Variants in DDX19A observed in about 807,000 individuals in gnomAD.
DDX19A encodes the protein DEAD-box helicase 19A.
A neutral mutation model predicts 60.6 loss-of-function variants in DDX19A; 12 were observed. The observed-to-expected ratio is 0.20, with a 90% CI of 0.13 to 0.32. The LOEUF is 0.32. DDX19A is among the 10% of genes least tolerant of loss of function. The probability of loss-of-function intolerance (pLI) is 1.00; values close to 1 mark genes in which losing one functional copy is unlikely to be tolerated. For missense variants in DDX19A, 337 were observed against 600.6 expected, an observed-to-expected ratio of 0.56 and a Z score of 4.59; for synonymous variants, 206 against 218.2, an observed-to-expected ratio of 0.94 and a Z score of 0.49.
intron 5 of DDX19A, 193 bp downstream of exon 5, chr16:70,361,703 T>A (rs1964368375): frequency 9.2e-6 from 5 of 540,776 alleles, no homozygotes; most frequent in Non-Finnish European, 1.6e-5. Flanking sequence ...CAATAGAAAC[T>A]TATAGAGAAA....
At chr16:70,352,714 G>A (rs541937669) in intron 2 of DDX19A, among the ~76,000 whole-genome samples, 4 of 136,898 alleles carry the variant, frequency 2.9e-5, no homozygotes, top group Non-Finnish European at 4.6e-5. Context: ...TCGGCTCACC[G>A]CAACCTCCAC....
intron 3 of DDX19A, 67 bp from the exon 4 acceptor site, chr16:70,356,045 A>C (rs1187065803): frequency 6.2e-7 from 1 of 1,602,496 alleles, no homozygotes; most frequent in East Asian, 2.2e-5. Context: ...GAGAGGGAGA[A>C]AGAGTGGCTT....
chr16:70,366,189 G>T lies in DDX19A; in HGVS notation c.709G>T (p.Val237Leu), dbSNP rs138660103. Residue 237 changes from valine (V) to leucine (L), a missense_variant, in exon 8 of 12, where the codon GTG becomes TTG. By Grantham distance (32) the Val-to-Leu change is conservative. Around this residue, in one of 6 missense-constraint regions of DDX19A, gnomAD observed 117 missense variants for 274.3 expected, o/e 0.43. Transcript: ENST00000302243. Reference protein sequence around the residue: ...LKFIDPKKIKVFVLDEADVMI... With the variant: ...LKFIDPKKIKLFVLDEADVMI... ...GTTCATTGATCCCAAGAAAATCAAG[G>T]TGTTTGTTCTGGATGAGGCTGATGT... 3 of 1,613,994 alleles carry T rather than the reference G, an allele frequency of 1.9e-6. No homozygotes were observed. The African/African-American group carries it at 4.0e-5, about 22-fold the overall frequency.
At chr16:70,352,219 C>A (rs1452222243) in intron 2 of DDX19A, among the ~76,000 whole-genome samples, 1 of 151,636 alleles carries the variant, frequency 6.6e-6, no homozygotes, top group East Asian at 1.9e-4. Context: ...AGTATACTTA[C>A]TTTTTCACTC....
Position 70,372,076 on chromosome 16 carries a change from A to G in DDX19A, c.*90A>G. On this transcript the variant is annotated 3_prime_UTR_variant, in exon 12 of 12. Coordinates refer to ENST00000302243, the MANE Select transcript of DDX19A (RefSeq NM_018332.5). ...GGGCACAGGCCCCGACATCACCCCA[A>G]GGACAACGGCAGAAGTAGAGAGAAA... is the stretch of plus-strand genomic sequence containing the variant. 1.3e-6 allele frequency: 2 copies of G among 1,594,178 alleles called. No individual in the cohort carries two copies. The highest frequency in any genetic ancestry group is 1.7e-6 in the Non-Finnish European group (2 of 1,162,930).
intron 9 of DDX19A, among the ~76,000 whole-genome samples, chr16:70,368,102 A>C (rs910822384): frequency 6.6e-6 from 1 of 152,184 alleles, no homozygotes; most frequent in African/African-American, 2.4e-5. Flanking sequence ...CCTTGAGCCC[A>C]GGAGTTAGAG....
chr16:70,347,991 G>C (rs967039800), intron 1 of DDX19A: 1 of 450,612 alleles, frequency 2.2e-6, no homozygotes, highest in Non-Finnish European at 4.5e-6. Context: ...CGCCCAGCCG[G>C]TATGGGGATT....
At chr16:70,357,683 C>T (rs543018769) in intron 4 of DDX19A, among the ~76,000 whole-genome samples, 2 of 152,062 alleles carry the variant, frequency 1.3e-5, no homozygotes, top group South Asian at 4.2e-4. Context: ...TGTGCCCGGC[C>T]TTACGTTTTA....
intron 5 of DDX19A, chr16:70,364,147 G>A: frequency 6.2e-6 from 1 of 161,986 alleles, no homozygotes; most frequent in Non-Finnish European, 1.3e-5. Flanking sequence ...CATAAAACTG[G>A]GGAAAGGCAC....
chr16:70,347,950 A>G (rs1378440341), intron 1 of DDX19A: 4 of 442,476 alleles, frequency 9.0e-6, no homozygotes, highest in Non-Finnish European at 1.8e-5. Flanking sequence ...TCGGCCTCCC[A>G]AAGTGCTGGG....
chr16:70,365,236 C>A, intron 7 of DDX19A, 105 bp downstream of exon 7: 1 of 719,522 alleles, frequency 1.4e-6, no homozygotes. Context: ...CAGTCTGACC[C>A]TGGAGCCTAA....
intron 2 of DDX19A, among the ~76,000 whole-genome samples, chr16:70,353,884 GAGTGA>G (rs1964103616): frequency 6.8e-6 from 1 of 146,292 alleles, no homozygotes; most frequent in South Asian, 2.1e-4. Context: ...CTGGGCAACA[GAGTGA>G]GACTCTGTCT....
intron 3 of DDX19A, 88 bp from the exon 4 acceptor site, chr16:70,356,024 G>T: frequency 6.4e-7 from 1 of 1,557,306 alleles, no homozygotes. Flanking sequence ...GACTGCCCAG[G>T]TGCTAGTGTG....
intron 4 of DDX19A, among the ~76,000 whole-genome samples, chr16:70,357,190 C>T (rs1166351228): frequency 5.4e-5 from 8 of 147,706 alleles, no homozygotes; most frequent in Admixed American, 2.0e-4. Flanking sequence ...ACCTGTGAGG[C>T]GGAGGTTGCA....
At chr16:70,349,149 G>A (rs1304561494) in intron 1 of DDX19A, among the ~76,000 whole-genome samples, 1 of 152,138 alleles carries the variant, frequency 6.6e-6, no homozygotes, top group Non-Finnish European at 1.5e-5. Context: ...ATTAGTGGAG[G>A]AAAAAGGCTC....
chr16:70,351,395 C>T (rs904835136), intron 2 of DDX19A, among the ~76,000 whole-genome samples: 3 of 151,320 alleles, frequency 2.0e-5, no homozygotes, highest in Admixed American at 1.3e-4. Flanking sequence ...TTAGTAGAGG[C>T]GGGGCTTTGT....
intron 3 of DDX19A, 61 bp from the exon 4 acceptor site, chr16:70,356,051 G>A (rs1964175242): frequency 7.5e-6 from 12 of 1,604,706 alleles, no homozygotes; most frequent in Middle Eastern, 4.5e-4. Context: ...GAGAAAGAGT[G>A]GCTTCATAAG....
intron 2 of DDX19A, among the ~76,000 whole-genome samples, chr16:70,354,073 G>A (rs1221446785): frequency 6.6e-6 from 1 of 151,844 alleles, no homozygotes; most frequent in African/African-American, 2.4e-5. Context: ...TGCCCAGGCT[G>A]ACATTTGCAA....
intron 2 of DDX19A, among the ~76,000 whole-genome samples, chr16:70,354,574 G>A (rs932336903): frequency 2.0e-5 from 3 of 152,174 alleles, no homozygotes; most frequent in Non-Finnish European, 4.4e-5. Context: ...TTGCTAATAA[G>A]GCTGTATTTT....
Sources: gnomAD v4.1 joint callset for allele counts (sites outside exome capture counted in the v4.1 genomes callset) on GRCh38, gnomAD v4.1.1 for gene constraint, gnomAD v4.1.1 regional missense constraint, MANE v1.5 for transcripts, NCBI Gene and HGNC (gene_info 2026-07-23, HGNC 2026-07-21) for gene names.